The following ZW10 variants were observed in gnomAD, a reference collection of about 807,000 sequenced individuals.
ZW10 encodes the protein zw10 kinetochore protein.
In ZW10, 53 loss-of-function variants were observed where a neutral mutation model predicts 87.8. The ratio of observed to expected loss-of-function variants is 0.60; its 90% confidence interval spans 0.48 to 0.76. The LOEUF (loss-of-function observed/expected upper bound fraction) is 0.76, where lower values mean the gene tolerates loss of function less well. Ranked by LOEUF, ZW10 falls within the 30% of genes least tolerant of loss-of-function variation. ZW10 has a pLI of 0.00. For missense variants in ZW10, 837 were observed against 923.0 expected, an observed-to-expected ratio of 0.91 and a Z score of 1.21; for synonymous variants, 312 against 329.2, an observed-to-expected ratio of 0.95 and a Z score of 0.57.
rs149815466 is a variant in ZW10 at position 113,737,838 on chromosome 11, T to G, written c.1885-135A>C. ...ATGAGGTAAAGTAACTAAGGACATA[T>G]GCTTCTTGAACATTTAACCATAGTG... On this transcript the variant is annotated intron_variant, in intron 13 of 15. Coordinates refer to ENST00000200135, the MANE Select transcript of ZW10 (RefSeq NM_004724.4). The G allele has an allele frequency of 5.7e-4, 570 of 1,002,454 alleles. 7 individuals are homozygous for G. In the East Asian group the frequency reaches 0.013, roughly 23 times the overall value. 62.1% of individuals were successfully genotyped at this position (1,002,454 alleles called of 1,614,324 possible). A position where few individuals can be genotyped will look rare whatever the true frequency, so the allele number is the denominator to read the frequency against.
intron 14 of ZW10, 117 bp downstream of exon 14, chr11:113,737,455 A>AC: frequency 1.8e-6 from 2 of 1,117,760 alleles, no homozygotes; most frequent in South Asian, 2.5e-5. Flanking sequence ...AAAAAAAAAA[A>AC]CAGCATGAGT....
At position 113,760,919 on chromosome 11, in the gene ZW10, C is replaced by G; in HGVS notation, c.241-1G>C. ...TTGATACGTGAAGATCCCGGCGGAC[C>G]TAATTCACACATCAAAAACAAGTAC... On this transcript the variant is annotated splice_acceptor_variant, in intron 2 of 15. Transcript: ENST00000200135. LOFTEE classifies it high-confidence loss of function. The G allele has an allele frequency of 2.5e-6, 4 of 1,613,094 alleles. No individual in the cohort carries two copies. Among genetic ancestry groups the G allele is most frequent in the Non-Finnish European group, 3.4e-6 (4 of 1,179,532 alleles).
intron 9 of ZW10, among the ~76,000 whole-genome samples, chr11:113,746,227 A>G (rs1428492628): frequency 6.6e-6 from 1 of 152,164 alleles, no homozygotes; most frequent in Admixed American, 6.5e-5. Context: ...CAAACTCTCA[A>G]AATTACTTAA....
chr11:113,741,991 T>C (rs1272001186), intron 10 of ZW10, among the ~76,000 whole-genome samples: 2 of 152,218 alleles, frequency 1.3e-5, no homozygotes, highest in Non-Finnish European at 2.9e-5. Flanking sequence ...CATTAATGAT[T>C]GTAAGAAGAG....
At chr11:113,766,467 G>A (rs910817979) in intron 2 of ZW10, among the ~76,000 whole-genome samples, 4 of 149,578 alleles carry the variant, frequency 2.7e-5, no homozygotes, top group Non-Finnish European at 4.4e-5. Flanking sequence ...TCAGGAGATC[G>A]AGACCATCCT....
rs111295027 is a variant in ZW10 at position 113,750,308 on chromosome 11, C to CTT, written c.926-1890_926-1889dup. 5.5e-5 allele frequency among the ~76,000 whole-genome samples: 8 copies of CTT among 144,796 alleles called. No homozygotes were observed. In the South Asian group the frequency reaches 1.1e-3, roughly 20 times the overall value. 95.0% of individuals were successfully genotyped at this position (144,796 alleles called of 152,430 possible). A position where few individuals can be genotyped will look rare whatever the true frequency, so the allele number is the denominator to read the frequency against. On this transcript the variant is annotated intron_variant, in intron 7 of 15. Coordinates refer to ENST00000200135, the MANE Select transcript of ZW10 (RefSeq NM_004724.4). ...TTGTTGCATACAAAACATTTTTTTT[C>CTT]TTTTTTTTTTTTGAGATGAAGTTTT...
Position 113,736,754 on chromosome 11 carries a change from T to C in ZW10, c.2085A>G (p.Gln695=), listed in dbSNP as rs371883045. Residue 695 remains glutamine (Q), a synonymous_variant, in exon 15 of 16, where the codon CAA becomes CAG. Coordinates refer to ENST00000200135, the MANE Select transcript of ZW10 (RefSeq NM_004724.4). Reference sequence around the variant, plus strand: ...TTTCTTCAGATAAAGGTGCAAATACTTGGGGTCCTTCATCCATCACTGTTT... The same window carrying C: ...TTTCTTCAGATAAAGGTGCAAATACCTGGGGTCCTTCATCCATCACTGTTT... The part of the protein sequence containing the change: ...LCKTVMDEGP[Q]VFAPLSEESK... 1.7e-5 allele frequency: 27 copies of C among 1,614,100 alleles called. No homozygotes were observed. The African/African-American group carries it at 2.9e-4, about 18-fold the overall frequency.
Position 113,747,662 on chromosome 11 carries a change from A to C in ZW10, c.1141T>G (p.Leu381Val). The C allele has an allele frequency of 6.2e-7, 1 of 1,613,268 alleles. No homozygotes were observed. The highest frequency in any genetic ancestry group is 8.5e-7 in the Non-Finnish European group (1 of 1,179,474). Residue 381 changes from leucine (L) to valine (V), a missense_variant, in exon 9 of 16, where the codon TTA (leucine) becomes GTA (valine). Physicochemically the swap from Leu to Val is conservative, Grantham distance 32. Coordinates refer to ENST00000200135, the MANE Select transcript of ZW10 (RefSeq NM_004724.4). ...AGCAAATCTGTAGTATCTCCTTTTA[A>C]AAATCTCATTTCCTTTAGGGCATTT... ...FENALKEMRF[L>V]KGDTTDLLKY...
At chr11:113,746,495 C>CAAAAAAAAAAAAAAAAAAAAAA (rs566009326) in intron 9 of ZW10, among the ~76,000 whole-genome samples, 2 of 105,342 alleles carry the variant, frequency 1.9e-5, no homozygotes, top group African/African-American at 7.8e-5. Context: ...ACAAAACAGT[C>CAAAAAAAAAAAAAAAAAAAAAA]AAAAAAAAAA....
At chr11:113,746,931 T>C (rs1289172833) in intron 9 of ZW10, among the ~76,000 whole-genome samples, 2 of 152,028 alleles carry the variant, frequency 1.3e-5, no homozygotes, top group African/African-American at 4.8e-5. Context: ...GGGAAGACAC[T>C]GGACTTTCTG....
Position 113,738,202 on chromosome 11 carries a change from A to C in ZW10, c.1884+62T>G. ...ATATTGTTTTCTGCTTTAAAAAAGC[A>C]AACAAAAAAAAAGGCATCTAAGGAT... On this transcript the variant is annotated intron_variant, in intron 13 of 15. Transcript: ENST00000200135. 3 of 1,506,758 alleles carry C rather than the reference A, an allele frequency of 2.0e-6. No individual in the cohort carries two copies. In the South Asian group the frequency reaches 4.1e-5, roughly 21 times the overall value. The allele number at this position is 1,506,758 out of a possible 1,614,324, so 93.3% of individuals were successfully genotyped here.
intron 6 of ZW10, 151 bp downstream of exon 6, chr11:113,758,403 G>A (rs991271765): frequency 1.7e-5 from 10 of 586,970 alleles, no homozygotes; most frequent in East Asian, 3.4e-5. Context: ...TAATAAAAGG[G>A]ATAATATTTA....
Position 113,766,088 on chromosome 11 carries a change from T to C in ZW10, c.240+2745A>G, listed in dbSNP as rs149436749. Reference sequence around the variant, plus strand: ...CACGTCTTCTACAAATCCATGAAACTTTCCAGGCACGGTGACTCAAGCCTG... The same window carrying C: ...CACGTCTTCTACAAATCCATGAAACCTTCCAGGCACGGTGACTCAAGCCTG... On this transcript the variant is annotated intron_variant, in intron 2 of 15. Coordinates refer to ENST00000200135, the MANE Select transcript of ZW10 (RefSeq NM_004724.4). Among the ~76,000 whole-genome samples, 1,509 of 152,294 alleles carry C rather than the reference T, an allele frequency of 9.9e-3. 16 individuals are homozygous for C. The highest frequency in any genetic ancestry group is 0.015 in the Admixed American group (223 of 15,296).
At chr11:113,740,269 A>C (rs897673065) in intron 11 of ZW10, among the ~76,000 whole-genome samples, 2 of 152,198 alleles carry the variant, frequency 1.3e-5, no homozygotes, top group African/African-American at 4.8e-5. Flanking sequence ...GTATATTTTT[A>C]AAGCTCCATA....
chr11:113,758,758 C>G, intron 5 of ZW10, 52 bp from the exon 6 acceptor site: 3 of 1,560,624 alleles, frequency 1.9e-6, no homozygotes, highest in Non-Finnish European at 2.6e-6. Flanking sequence ...GAGATGTTCC[C>G]ACTTCTATTC....
At chr11:113,765,106 T>C (rs1224329091) in intron 2 of ZW10, among the ~76,000 whole-genome samples, 1 of 152,198 alleles carries the variant, frequency 6.6e-6, no homozygotes, top group Admixed American at 6.5e-5. Flanking sequence ...CAATACAATG[T>C]ACAGGACAGA....
At chr11:113,743,775 C>T in intron 10 of ZW10, 27 bp downstream of exon 10, 1 of 1,574,142 alleles carries the variant, frequency 6.4e-7, no homozygotes, top group Non-Finnish European at 8.7e-7. Flanking sequence ...AAGTCATTGC[C>T]ATTTTCACAC....
At chr11:113,770,191 C>A (rs951604258) in intron 1 of ZW10, among the ~76,000 whole-genome samples, 48 of 146,970 alleles carry the variant, frequency 3.3e-4, no homozygotes, top group Admixed American at 2.6e-3. Flanking sequence ...CGGGTACAAG[C>A]GATTCTCCTG....
rs944879457 is a variant in ZW10, at chr11:113,743,812, T to C, written c.1501A>G (p.Ser501Gly). The C allele has an allele frequency of 5.6e-6, 9 of 1,613,708 alleles. No homozygotes were observed. Among genetic ancestry groups the C allele is most frequent in the East Asian group, 2.2e-5 (1 of 44,876 alleles). ...YQTLLEATTSSDQCAVQLFYS... is the reference protein window; with the variant it reads ...YQTLLEATTSGDQCAVQLFYS... Reference sequence around the variant, plus strand: ...ACCCAGAATTCGTACCATTGATCACTACTGGTTGTTGCCTCTAGTAAAGTC... The same window carrying C: ...ACCCAGAATTCGTACCATTGATCACCACTGGTTGTTGCCTCTAGTAAAGTC... The change falls in exon 10 of 16, where the codon AGT becomes GGT. Residue 501 changes from serine to glycine, a missense_variant. Physicochemically the swap from Ser to Gly is moderately conservative, Grantham distance 56. Coordinates refer to ENST00000200135, the MANE Select transcript of ZW10 (RefSeq NM_004724.4).
Sources: gnomAD v4.1 joint callset for allele counts (sites outside exome capture counted in the v4.1 genomes callset) on GRCh38, gnomAD v4.1.1 for gene constraint, MANE v1.5 for transcripts, NCBI Gene and HGNC (gene_info 2026-07-23, HGNC 2026-07-21) for gene names.